The following CDH13 variants were observed in gnomAD, a reference collection of about 807,000 sequenced individuals.
CDH13 encodes the protein cadherin 13.
Under a neutral mutation model 63.8 loss-of-function variants are expected in CDH13, and 24 were observed. The observed-to-expected ratio is 0.38, with a 90% confidence interval of 0.27 to 0.53. The LOEUF is 0.53. CDH13 is among the 20% of genes least tolerant of loss of function. The probability of loss-of-function intolerance (pLI) is 0.85; values close to 1 mark genes in which losing one functional copy is unlikely to be tolerated. For synonymous variants in CDH13, 503 were observed against 355.3 expected, an observed-to-expected ratio of 1.42 and a Z score of -4.67; for missense variants, 1,049 against 903.1, an observed-to-expected ratio of 1.16 and a Z score of -2.07.
chr16:83,482,840 G>A (rs999292407), intron 6 of CDH13, among the ~76,000 whole-genome samples: 10 of 152,150 alleles, frequency 6.6e-5, no homozygotes, highest in Non-Finnish European at 8.8e-5. Context: ...GAAGGGACCC[G>A]GTGAGAGAGA....
intron 10 of CDH13, among the ~76,000 whole-genome samples, chr16:83,736,850 C>T (rs1003850067): frequency 2.0e-5 from 3 of 152,164 alleles, no homozygotes; most frequent in African/African-American, 2.4e-5. Flanking sequence ...TCGAACAAGA[C>T]GCCCGGTATG....
At chr16:83,511,355 G>A (rs1054989175) in intron 7 of CDH13, among the ~76,000 whole-genome samples, 27 of 151,918 alleles carry the variant, frequency 1.8e-4, no homozygotes, top group African/African-American at 5.6e-4. Flanking sequence ...CCATCTACTC[G>A]GGAGGCTGAA....
intron 6 of CDH13, among the ~76,000 whole-genome samples, chr16:83,467,135 C>T (rs1185021386): frequency 2.0e-5 from 3 of 152,104 alleles, no homozygotes; most frequent in African/African-American, 7.2e-5. Flanking sequence ...GCTGACATTC[C>T]AGAAAAACAC....
chr16:83,670,254 A>G (rs1598444429), intron 8 of CDH13, among the ~76,000 whole-genome samples: 1 of 152,262 alleles, frequency 6.6e-6, no homozygotes, highest in East Asian at 1.9e-4. Context: ...TTAACGCTTG[A>G]CTCATCTGAT....
intron 3 of CDH13, among the ~76,000 whole-genome samples, chr16:83,044,556 C>T (rs2151492995): frequency 6.6e-6 from 1 of 152,300 alleles, no homozygotes; most frequent in African/African-American, 2.4e-5. Context: ...GGCCAGGGAC[C>T]TGATCTCATT....
At chr16:82,870,422 C>T (rs1334533707) in intron 2 of CDH13, among the ~76,000 whole-genome samples, 1 of 151,926 alleles carries the variant, frequency 6.6e-6, no homozygotes, top group Non-Finnish European at 1.5e-5. Flanking sequence ...CCCCAAAAAA[C>T]TAAAAATAGA....
intron 5 of CDH13, among the ~76,000 whole-genome samples, chr16:83,343,001 A>G (rs940264935): frequency 4.6e-5 from 7 of 152,014 alleles, no homozygotes. Context: ...TAGCTTAAAA[A>G]AAACATAAAA....
intron 1 of CDH13, among the ~76,000 whole-genome samples, chr16:82,781,754 A>G (rs1390062265): frequency 6.6e-6 from 1 of 152,224 alleles, no homozygotes; most frequent in East Asian, 1.9e-4. Context: ...CCTTAAACAA[A>G]AATCAGTTGG....
chr16:83,376,888 A>C (rs1272903764), intron 6 of CDH13, among the ~76,000 whole-genome samples: 2 of 152,148 alleles, frequency 1.3e-5, no homozygotes, highest in Non-Finnish European at 1.5e-5. Context: ...TGTCTCTTGC[A>C]ACGTTCACTC....
chr16:82,629,174 C>T (rs1422432554), intron 1 of CDH13, among the ~76,000 whole-genome samples: 1 of 152,196 alleles, frequency 6.6e-6, no homozygotes, highest in Non-Finnish European at 1.5e-5. Context: ...GCTCTGCGCA[C>T]GGTTCTTTTT....
chr16:83,602,027 A>G (rs1907845070), intron 7 of CDH13, among the ~76,000 whole-genome samples: 1 of 133,048 alleles, frequency 7.5e-6, no homozygotes, highest in Non-Finnish European at 1.6e-5. Context: ...CGGGAGGCGG[A>G]GGTTGCAGTG....
intron 5 of CDH13, among the ~76,000 whole-genome samples, chr16:83,235,398 A>G (rs931440433): frequency 9.2e-5 from 14 of 152,086 alleles, no homozygotes; most frequent in Admixed American, 6.6e-5. Context: ...TGAAAGCCCT[A>G]TTATGTGAGC....
chr16:83,719,320 C>G (rs980436955), intron 10 of CDH13, among the ~76,000 whole-genome samples: 5 of 152,178 alleles, frequency 3.3e-5, no homozygotes, highest in African/African-American at 1.2e-4. Context: ...TCTGTGAAGT[C>G]TATTACCTCA....
At chr16:83,216,437 T>TACAC (rs1249830056) in intron 4 of CDH13, among the ~76,000 whole-genome samples, 2 of 108,564 alleles carry the variant, frequency 1.8e-5, no homozygotes, top group African/African-American at 8.1e-5. Flanking sequence ...TATATATATA[T>TACAC]ATATATACAC....
chr16:82,962,227 C>T (rs1232621583), intron 2 of CDH13, among the ~76,000 whole-genome samples: 1 of 152,096 alleles, frequency 6.6e-6, no homozygotes, highest in African/African-American at 2.4e-5. Context: ...AACAGATACA[C>T]AGGGGAGAGG....
intron 5 of CDH13, among the ~76,000 whole-genome samples, chr16:83,315,556 A>T (rs1176733724): frequency 6.6e-6 from 1 of 151,798 alleles, no homozygotes; most frequent in Admixed American, 6.6e-5. Context: ...ATAGGCACAT[A>T]GTTCATCACC....
chr16:83,501,901 C>A (rs1041242470), intron 7 of CDH13, among the ~76,000 whole-genome samples: 1 of 152,188 alleles, frequency 6.6e-6, no homozygotes, highest in African/African-American at 2.4e-5. Flanking sequence ...TTGAGTTTCC[C>A]TCAGCTCTTC....
chr16:83,753,533 G>A (rs1913265204), intron 11 of CDH13, among the ~76,000 whole-genome samples: 1 of 152,090 alleles, frequency 6.6e-6, no homozygotes, highest in Non-Finnish European at 1.5e-5. Context: ...GCAGCAGAAT[G>A]AGACCCCGTC....
intron 2 of CDH13, among the ~76,000 whole-genome samples, chr16:82,972,343 T>G (rs1375986658): frequency 1.3e-5 from 2 of 152,174 alleles, no homozygotes; most frequent in Non-Finnish European, 1.5e-5. Context: ...GATTGAAAGG[T>G]AAGACAAGAG....
Sources: gnomAD v4.1 joint callset for allele counts (sites outside exome capture counted in the v4.1 genomes callset) on GRCh38, gnomAD v4.1.1 for gene constraint, MANE v1.5 for transcripts, NCBI Gene and HGNC (gene_info 2026-07-23, HGNC 2026-07-21) for gene names.